DNAH11: variants seen among roughly 807,000 people sequenced by gnomAD.
DNAH11 encodes axonemal beta dynein heavy chain 11.
Under a neutral mutation model 526.0 loss-of-function variants are expected in DNAH11, and 442 were observed. That is an observed-to-expected ratio of 0.84 (90% CI 0.78 to 0.91). The LOEUF is 0.91. Among genes scored for constraint, DNAH11 ranks in the 40% least tolerant of loss-of-function variants. The pLI is 0.00. For synonymous variants in DNAH11, 2,461 were observed against 1,935.9 expected, an observed-to-expected ratio of 1.27 and a Z score of -7.12; for missense variants, 6,989 against 5,448.7, an observed-to-expected ratio of 1.28 and a Z score of -8.90.
Position 21,543,211 on chromosome 7 carries a change from C to G in DNAH11, c.-35C>G. 1 of 1,484,508 alleles carries G rather than the reference C, an allele frequency of 6.7e-7. No individual in the cohort carries two copies. The highest frequency in any genetic ancestry group is 8.9e-7 in the Non-Finnish European group (1 of 1,121,236). 92.0% of individuals were successfully genotyped at this position (1,484,508 alleles called of 1,614,324 possible). ...GGGGCCCAGAGTCTCGGGTGAGGAGCCAGCCGGCCTCGCGTTCCCTCGGAC... is the reference window on the plus strand; with the variant it reads ...GGGGCCCAGAGTCTCGGGTGAGGAGGCAGCCGGCCTCGCGTTCCCTCGGAC... On this transcript the variant is annotated 5_prime_UTR_variant, in exon 1 of 82. Coordinates refer to ENST00000409508, the MANE Select transcript of DNAH11 (RefSeq NM_001277115.2).
rs377689546 is a variant in DNAH11, at chr7:21,617,687, G to T, written c.4164G>T (p.Lys1388Asn). 34 of 1,613,862 alleles carry T rather than the reference G, an allele frequency of 2.1e-5. No homozygotes were observed. Among genetic ancestry groups the T allele is most frequent in the Non-Finnish European group, 2.9e-5 (34 of 1,179,832 alleles). ...DAYTGLEGTV[K>N]DMTASLRAIT... The stretch of plus-strand genomic sequence containing the variant: ...ACACGGGCCTGGAAGGCACAGTTAA[G>T]GACATGACAGCCTCCCTGAGGGCCA... Residue 1388 changes from lysine to asparagine, a missense_variant, in exon 23 of 82, where the codon AAG becomes AAT. By Grantham distance (94) the Lys-to-Asn change is moderately conservative. Transcript: ENST00000409508.
intron 70 of DNAH11, 121 bp from the exon 71 acceptor site, chr7:21,866,349 G>C: frequency 1.3e-6 from 1 of 795,664 alleles, no homozygotes; most frequent in African/African-American, 1.8e-5. Context: ...AATCTGAAGA[G>C]GAGAGTGAAT....
chr7:21,776,423 G>A (rs1349504006), intron 56 of DNAH11, among the ~76,000 whole-genome samples: 1 of 152,206 alleles, frequency 6.6e-6, no homozygotes, highest in African/African-American at 2.4e-5. Context: ...TATTGCAGAA[G>A]ATCAGGTTGT....
In DNAH11 at chr7:21,744,529, A is replaced by G. The variant is rs757714806; in HGVS notation, c.8246A>G (p.Lys2749Arg). 6.2e-7 allele frequency: 1 copy of G among 1,613,772 alleles called. No individual in the cohort carries two copies. Among genetic ancestry groups the G allele is most frequent in the Non-Finnish European group, 8.5e-7 (1 of 1,179,832 alleles). The change falls in exon 50 of 82, where the codon AAA becomes AGA. Residue 2749 changes from lysine (K) to arginine (R), a missense_variant. Lys to Arg is a conservative substitution (Grantham distance 26). Transcript: ENST00000409508. ...GAATCTGCCCGTGTTTATGGAGACAAACTGATAGACAAAAAAGATTGTGAT... is the reference window on the plus strand; with the variant it reads ...GAATCTGCCCGTGTTTATGGAGACAGACTGATAGACAAAAAAGATTGTGAT... ...LHESARVYGD[K>R]LIDKKDCDLF...
intron 66 of DNAH11, 38 bp downstream of exon 66, chr7:21,842,786 A>G (rs1415593469): frequency 6.5e-7 from 1 of 1,533,970 alleles, no homozygotes. Context: ...CTTAGTCGGC[A>G]TTTGCTTTGC....
intron 45 of DNAH11, among the ~76,000 whole-genome samples, chr7:21,727,537 T>G (rs1418209245): frequency 2.0e-5 from 3 of 152,250 alleles, no homozygotes; most frequent in Non-Finnish European, 4.4e-5. Context: ...TTTCTTTTCA[T>G]AGATTGCTCT....
Position 21,842,843 on chromosome 7 carries a change from C to G in DNAH11, c.10896+95C>G, listed in dbSNP as rs953350662. On this transcript the variant is annotated intron_variant, in intron 66 of 81. Coordinates refer to ENST00000409508, the MANE Select transcript of DNAH11 (RefSeq NM_001277115.2). ...AGAAGTATAAAATAGGATTCCTGCC[C>G]TCTAGAATCCTGCAACCTAATTGGG... 2.1e-5 allele frequency: 22 copies of G among 1,067,462 alleles called. No individual in the cohort carries two copies. In the African/African-American group the frequency reaches 2.7e-4, roughly 13 times the overall value. The allele number at this position is 1,067,462 out of a possible 1,614,324, so 66.1% of individuals were successfully genotyped here.
At chr7:21,747,200 T>C (rs1000237815) in intron 51 of DNAH11, among the ~76,000 whole-genome samples, 1 of 152,220 alleles carries the variant, frequency 6.6e-6, no homozygotes, top group South Asian at 2.1e-4. Flanking sequence ...AGAGTAATTT[T>C]ATAGCTTTCC....
At chr7:21,701,231 T>G (rs1220268894) in intron 36 of DNAH11, among the ~76,000 whole-genome samples, 8 of 151,990 alleles carry the variant, frequency 5.3e-5, no homozygotes, top group Admixed American at 2.6e-4. Context: ...TCTTCTATTG[T>G]GACTCAGTGC....
intron 32 of DNAH11, among the ~76,000 whole-genome samples, chr7:21,685,734 T>C (rs1012830993): frequency 8.5e-5 from 13 of 152,190 alleles, no homozygotes; most frequent in African/African-American, 3.1e-4. Flanking sequence ...CAGAAGTGGG[T>C]ATCTCACTGT....
In DNAH11 at chr7:21,861,861, C is replaced by G. The variant is rs752898983; in HGVS notation, c.11211C>G (p.Asn3737Lys). 3.1e-6 allele frequency: 5 copies of G among 1,610,490 alleles called. No individual in the cohort carries two copies. The highest frequency in any genetic ancestry group is 4.2e-6 in the Non-Finnish European group (5 of 1,178,682). Residue 3737 changes from asparagine (N) to lysine (K), a missense_variant, in exon 69 of 82, where the codon AAC (asparagine) becomes AAG (lysine). Asn to Lys is a moderately conservative substitution (Grantham distance 94). Transcript: ENST00000409508. ...PLYQFSLKAF[N>K]VLFHRAIEQA... is the part of the protein sequence containing the mutation. Reference sequence around the variant, plus strand: ...CACATTAAATTTCCCAGGCTTTTAACGTGCTGTTCCACAGAGCGATCGAGC... The same window carrying G: ...CACATTAAATTTCCCAGGCTTTTAAGGTGCTGTTCCACAGAGCGATCGAGC...
chr7:21,837,510 T>G (rs1782039915), intron 65 of DNAH11, among the ~76,000 whole-genome samples: 1 of 152,134 alleles, frequency 6.6e-6, no homozygotes, highest in Non-Finnish European at 1.5e-5. Flanking sequence ...TCATTCGTGT[T>G]ATCTAAAAAA....
At chr7:21,576,092 G>T (rs1784085434) in intron 8 of DNAH11, among the ~76,000 whole-genome samples, 2 of 152,156 alleles carry the variant, frequency 1.3e-5, no homozygotes, top group South Asian at 4.1e-4. Flanking sequence ...CTGTCACCGA[G>T]ACTCCTCTAG....
intron 57 of DNAH11, 77 bp from the exon 58 acceptor site, chr7:21,784,350 A>T: frequency 1.9e-6 from 2 of 1,080,636 alleles, no homozygotes; most frequent in Non-Finnish European, 2.8e-6. Context: ...AGTGCATCTG[A>T]GTCAACCTCC....
intron 20 of DNAH11, among the ~76,000 whole-genome samples, chr7:21,614,075 C>G (rs934364141): frequency 6.6e-6 from 1 of 152,058 alleles, no homozygotes; most frequent in African/African-American, 2.4e-5. Context: ...CTGTGCCCAG[C>G]CTCGCAATTC....
Position 21,887,766 on chromosome 7 carries a change from A to G in DNAH11, c.12507+3356A>G, listed in dbSNP as rs144579801. ...CTTTAGTAAATACCTGCTCTGTGCC[A>G]AGGGTCATTACCACACACTTTATAT... On this transcript the variant is annotated intron_variant, in intron 76 of 81. Coordinates refer to ENST00000409508, the MANE Select transcript of DNAH11 (RefSeq NM_001277115.2). Among the ~76,000 whole-genome samples, 165 of 152,346 alleles carry G rather than the reference A, an allele frequency of 1.1e-3. 2 individuals carry two copies. Among genetic ancestry groups the G allele is most frequent in the African/African-American group, 3.8e-3 (159 of 41,578 alleles).
At position 21,894,569 on chromosome 7, in the gene DNAH11, C is replaced by T. The variant is rs566590798; in HGVS notation, c.12751-54C>T. 2.2e-5 allele frequency: 34 copies of T among 1,568,588 alleles called. 1 individual carries two copies. The Middle Eastern group carries it at 7.5e-4, about 35-fold the overall frequency. ...AAAAAGTAGAGGATATACACAGTCA[C>T]CATGACGAAAACTGAAATAGAAAGG... On this transcript the variant is annotated intron_variant, in intron 77 of 81. Coordinates refer to ENST00000409508, the MANE Select transcript of DNAH11 (RefSeq NM_001277115.2).
intron 79 of DNAH11, among the ~76,000 whole-genome samples, chr7:21,898,878 G>A (rs1784629604): frequency 6.6e-6 from 1 of 152,096 alleles, no homozygotes; most frequent in African/African-American, 2.4e-5. Context: ...CACTGCCTCC[G>A]CACATGCTGT....
Position 21,842,750 on chromosome 7 carries a change from TA to T in DNAH11, c.10896+7del, listed in dbSNP as rs755456327. 1 of 1,601,796 alleles carries T rather than the reference TA, an allele frequency of 6.2e-7. No homozygotes were observed. The highest frequency in any genetic ancestry group is 2.2e-5 in the East Asian group (1 of 44,620). The stretch of plus-strand genomic sequence containing the variant: ...AGGCCAGATTTGGAGAAACTTAAGG[TA>T]AAAATGTTTACGTCACCACCAACAC... On this transcript the variant is annotated splice_donor_region_variant and intron_variant, in intron 66 of 81. Transcript: ENST00000409508.
Sources: gnomAD v4.1 joint callset for allele counts (sites outside exome capture counted in the v4.1 genomes callset) on GRCh38, gnomAD v4.1.1 for gene constraint, MANE v1.5 for transcripts, NCBI Gene and HGNC (gene_info 2026-07-23, HGNC 2026-07-21) for gene names.